The following RAB23 variants were observed in gnomAD, a reference collection of about 807,000 sequenced individuals.
RAB23 encodes the protein RAB23, member RAS oncogene family, also known as ras-related protein Rab-23.
RAB23 carries 15 observed loss-of-function variants against 30.0 expected under a neutral mutation model. The observed-to-expected ratio is 0.50, with a 90% confidence interval of 0.33 to 0.77. The LOEUF (loss-of-function observed/expected upper bound fraction) is 0.77. Ranked by LOEUF, RAB23 falls within the 30% of genes least tolerant of loss-of-function variation. The pLI is 0.02. For missense variants in RAB23, 243 were observed against 275.4 expected (o/e 0.88, Z 0.83); for synonymous variants, 93 against 94.0 (o/e 0.99, Z 0.06).
chr6:57,194,658 G>C lies in RAB23; in HGVS notation c.481+112C>G. The C allele has an allele frequency of 9.2e-6, 7 of 762,654 alleles. 1 individual carries two copies. The Admixed American group carries it at 1.9e-4, about 21-fold the overall frequency. 47.2% of individuals were successfully genotyped at this position (762,654 alleles called of 1,614,324 possible). On this transcript the variant is annotated intron_variant, in intron 5 of 6. Transcript: ENST00000468148. ...AGCCTTTAAATTCTACTTAATGTTA[G>C]GTGACAAAAAAATCTTGTTCTCGTT...
intron 6 of RAB23, among the ~76,000 whole-genome samples, chr6:57,191,065 T>C (rs1160225884): frequency 1.3e-5 from 2 of 152,218 alleles, no homozygotes; most frequent in African/African-American, 2.4e-5. Flanking sequence ...TTTTTAAGGG[T>C]GAATAATATT....
At chr6:57,210,961 A>G (rs537796294) in intron 1 of RAB23, among the ~76,000 whole-genome samples, 51 of 152,260 alleles carry the variant, frequency 3.3e-4, no homozygotes, top group Non-Finnish European at 6.3e-4. Flanking sequence ...AAGCACTGAC[A>G]TGATGCCATA....
Position 57,189,931 on chromosome 6 carries a change from C to T in RAB23, c.*530G>A, listed in dbSNP as rs1764771437. On this transcript the variant is annotated 3_prime_UTR_variant, in exon 7 of 7. Coordinates refer to ENST00000468148, the MANE Select transcript of RAB23 (RefSeq NM_016277.5). ...CCAGTACCAGACATCTGCATGCACACCCCACATTCTACATTACACAGATAT... is the reference window on the plus strand; with the variant it reads ...CCAGTACCAGACATCTGCATGCACATCCCACATTCTACATTACACAGATAT... 1.2e-5 allele frequency: 2 copies of T among 170,094 alleles called. No individual in the cohort carries two copies. The allele number at this position is 170,094 out of a possible 1,614,324, so 10.5% of individuals were successfully genotyped here. A position where few individuals can be genotyped will look rare whatever the true frequency, so the allele number is the denominator to read the frequency against.
intron 6 of RAB23, 39 bp from the exon 7 acceptor site, chr6:57,190,639 C>T (rs748122467): frequency 1.6e-5 from 25 of 1,607,556 alleles, no homozygotes; most frequent in East Asian, 2.2e-5. Flanking sequence ...GCCACTGACA[C>T]GCCTGAGTTA....
chr6:57,198,119 T>C (rs1445313118), intron 3 of RAB23, among the ~76,000 whole-genome samples: 2 of 151,862 alleles, frequency 1.3e-5, no homozygotes, highest in East Asian at 3.9e-4. Flanking sequence ...TAATGCAAAA[T>C]ACAGAAAGAG....
chr6:57,211,690 A>G (rs1245420313), intron 1 of RAB23, among the ~76,000 whole-genome samples: 1 of 152,196 alleles, frequency 6.6e-6, no homozygotes. Context: ...CTGTACAAAT[A>G]AATATCTTAC....
intron 4 of RAB23, 114 bp downstream of exon 4, chr6:57,196,336 C>G (rs148422058): frequency 4.1e-6 from 5 of 1,221,970 alleles, no homozygotes; most frequent in Middle Eastern, 5.4e-4. Flanking sequence ...GTCATTAAAG[C>G]CTTCAAAATG....
In RAB23 at chr6:57,190,447, C is replaced by T. The variant is rs371572870; in HGVS notation, c.*14G>A. The T allele has an allele frequency of 1.7e-5, 27 of 1,613,606 alleles. No individual in the cohort carries two copies. In the African/African-American group the frequency reaches 3.2e-4, roughly 19 times the overall value. ...TTGCACAATGTAATTCAATTGTTTT[C>T]CTCCCAAAACATCTTAGGGTATGCT... On this transcript the variant is annotated 3_prime_UTR_variant, in exon 7 of 7. Coordinates refer to ENST00000468148, the MANE Select transcript of RAB23 (RefSeq NM_016277.5).
chr6:57,204,595 G>C (rs1055222911), intron 3 of RAB23, among the ~76,000 whole-genome samples: 1 of 152,084 alleles, frequency 6.6e-6, no homozygotes, highest in African/African-American at 2.4e-5. Flanking sequence ...TACATACTAA[G>C]ATAGAATATA....
At chr6:57,191,231 T>C (rs1764827688) in intron 6 of RAB23, among the ~76,000 whole-genome samples, 1 of 152,154 alleles carries the variant, frequency 6.6e-6, no homozygotes, top group African/African-American at 2.4e-5. Flanking sequence ...AGGGCTCTTT[T>C]TTACCCAGAT....
At chr6:57,214,434 C>G (rs148964733) in intron 1 of RAB23, among the ~76,000 whole-genome samples, 2 of 152,284 alleles carry the variant, frequency 1.3e-5, no homozygotes, top group Non-Finnish European at 2.9e-5. Flanking sequence ...CCCACCTCAG[C>G]TGGGACTACA....
intron 3 of RAB23, among the ~76,000 whole-genome samples, chr6:57,207,240 T>C (rs1765484279): frequency 6.6e-6 from 1 of 152,230 alleles, no homozygotes; most frequent in South Asian, 2.1e-4. Flanking sequence ...GAAAAGGCTT[T>C]ACCATGTGAC....
rs368874291 is a variant in RAB23 at position 57,189,122 on chromosome 6, T to C, written c.*1339A>G. ...AGTTTTAACAGAGTTCACGCAATTA[T>C]CTTAGCTGGAAAGCTACTGTCCCAA... On this transcript the variant is annotated 3_prime_UTR_variant, in exon 7 of 7. Transcript: ENST00000468148. 5.3e-5 allele frequency: 8 copies of C among 152,326 alleles called. No homozygotes were observed. The highest frequency in any genetic ancestry group is 1.9e-4 in the African/African-American group (8 of 41,584). 9.4% of individuals were successfully genotyped at this position (152,326 alleles called of 1,614,324 possible). A position where few individuals can be genotyped will look rare whatever the true frequency, so the allele number is the denominator to read the frequency against.
chr6:57,192,360 T>C (rs1432624487), intron 6 of RAB23, among the ~76,000 whole-genome samples: 1 of 152,208 alleles, frequency 6.6e-6, no homozygotes, highest in Non-Finnish European at 1.5e-5. Context: ...CTGTCAGGGA[T>C]ACAAAGGTGA....
chr6:57,193,962 C>A, intron 5 of RAB23, 28 bp from the exon 6 acceptor site: 1 of 1,601,682 alleles, frequency 6.2e-7, no homozygotes, highest in African/African-American at 1.3e-5. Context: ...CACCCAGAAC[C>A]AGGTCAATGA....
rs1204669899 is a variant in RAB23, at chr6:57,189,839, A to T, written c.*622T>A. 1.3e-5 allele frequency: 2 copies of T among 153,654 alleles called. No individual in the cohort carries two copies. Among genetic ancestry groups the T allele is most frequent in the Non-Finnish European group, 2.9e-5 (2 of 68,750 alleles). 9.5% of individuals were successfully genotyped at this position (153,654 alleles called of 1,614,324 possible). On this transcript the variant is annotated 3_prime_UTR_variant, in exon 7 of 7. Transcript: ENST00000468148. ...ATAAAAACATATACACAATATGTAA[A>T]TGGTTTTATAAGTGAATTAATTAGA...
At chr6:57,220,699 CA>C (rs1766022764) in intron 1 of RAB23, among the ~76,000 whole-genome samples, 1 of 151,966 alleles carries the variant, frequency 6.6e-6, no homozygotes, top group African/African-American at 2.4e-5. Context: ...TAGTAATTGC[CA>C]GGGGTAAGGA....
chr6:57,196,336 C>T (rs148422058), intron 4 of RAB23, 114 bp downstream of exon 4: 135 of 1,221,852 alleles, frequency 1.1e-4, no homozygotes, highest in Admixed American at 7.9e-4. Context: ...GTCATTAAAG[C>T]CTTCAAAATG....
intron 6 of RAB23, 101 bp downstream of exon 6, chr6:57,193,741 A>C: frequency 6.9e-7 from 1 of 1,451,686 alleles, no homozygotes; most frequent in Non-Finnish European, 9.3e-7. Flanking sequence ...TTAATAGTTT[A>C]ATAATCACTT....
Sources: allele counts gnomAD v4.1 joint callset (sites outside exome capture counted in the v4.1 genomes callset), GRCh38; gene constraint gnomAD v4.1.1; transcripts MANE v1.5; gene names NCBI Gene and HGNC (gene_info 2026-07-23, HGNC 2026-07-21).